Variants in CBFA2T2 observed in about 807,000 individuals in gnomAD.
The protein encoded by CBFA2T2 is protein CBFA2T2.
In CBFA2T2, 11 loss-of-function variants were observed where a neutral mutation model predicts 62.2. The observed-to-expected ratio is 0.18, with a 90% CI of 0.11 to 0.29. The LOEUF (loss-of-function observed/expected upper bound fraction) is 0.29. CBFA2T2 is among the 10% of genes least tolerant of loss of function. CBFA2T2 has a pLI of 1.00. For synonymous variants in CBFA2T2, 295 were observed against 287.5 expected (o/e 1.03, Z -0.27); for missense variants, 592 against 774.1 (o/e 0.76, Z 2.79).
rs75055082 is a variant in CBFA2T2 at position 33,624,534 on chromosome 20, G to A, written c.693-230G>A. Among the ~76,000 whole-genome samples, 17 of 152,158 alleles carry A rather than the reference G, an allele frequency of 1.1e-4. No homozygotes were observed. The East Asian group carries it at 2.3e-3, about 21-fold the overall frequency. On this transcript the variant is annotated intron_variant, in intron 5 of 10. Coordinates refer to ENST00000342704, the MANE Select transcript of CBFA2T2 (RefSeq NM_001032999.3). ...TTATAAGGGTTAATGTTTCTGTCTGGTTATGGATGGATTTGACCTCTTTTT... is the reference window on the plus strand; with the variant it reads ...TTATAAGGGTTAATGTTTCTGTCTGATTATGGATGGATTTGACCTCTTTTT...
At chr20:33,494,240 T>C (rs1459453479) in intron 1 of CBFA2T2, among the ~76,000 whole-genome samples, 1 of 4,612 alleles carries the variant, frequency 2.2e-4, no homozygotes, top group Non-Finnish European at 1.4e-3. Context: ...GGCATATATA[T>C]GTGTATATAT....
chr20:33,553,628 A>G (rs2012803203), intron 1 of CBFA2T2, among the ~76,000 whole-genome samples: 1 of 152,210 alleles, frequency 6.6e-6, no homozygotes, highest in South Asian at 2.1e-4. Context: ...GCAGGAAAGC[A>G]GCCATAGATA....
rs1027192822 is a variant in CBFA2T2 at position 33,633,099 on chromosome 20, A to G, written c.1228+3185A>G. Among the ~76,000 whole-genome samples, 8 of 151,428 alleles carry G rather than the reference A, an allele frequency of 5.3e-5. No homozygotes were observed. In the South Asian group the frequency reaches 1.7e-3, roughly 32 times the overall value. ...TTAAAGTCTTGGGTTAGCTGGGTGC[A>G]GTGTCTCACGCCTGTAATCCCCGCA... On this transcript the variant is annotated intron_variant, in intron 8 of 10. Transcript: ENST00000342704.
At chr20:33,574,821 G>T (rs751524281) in intron 1 of CBFA2T2, among the ~76,000 whole-genome samples, 6 of 152,090 alleles carry the variant, frequency 3.9e-5, no homozygotes, top group Non-Finnish European at 7.4e-5. Context: ...GAATGGAGAA[G>T]GGCAAAGGGT....
rs757987402 is a variant in CBFA2T2 at position 33,621,361 on chromosome 20, C to T, written c.511-1754C>T. Among the ~76,000 whole-genome samples the T allele has an allele frequency of 4.4e-5, 6 of 136,270 alleles. No homozygotes were observed. The East Asian group carries it at 6.9e-4, about 16-fold the overall frequency. The allele number at this position is 136,270 out of a possible 152,430, so 89.4% of individuals were successfully genotyped here. A position where few individuals can be genotyped will look rare whatever the true frequency, so the allele number is the denominator to read the frequency against. ...TTGCCCAGGCTGGAGTGCAGTGGCG[C>T]GATCTCGGCTCTACAACCTCTGCCT... On this transcript the variant is annotated intron_variant, in intron 4 of 10. Coordinates refer to ENST00000342704, the MANE Select transcript of CBFA2T2 (RefSeq NM_001032999.3).
At chr20:33,506,425 A>T (rs2011404973) in intron 1 of CBFA2T2, among the ~76,000 whole-genome samples, 1 of 152,174 alleles carries the variant, frequency 6.6e-6, no homozygotes. Context: ...AAATTAATAC[A>T]GATAAAATAA....
At chr20:33,576,169 G>A (rs2013818197) in intron 1 of CBFA2T2, among the ~76,000 whole-genome samples, 1 of 152,170 alleles carries the variant, frequency 6.6e-6, no homozygotes, top group Admixed American at 6.5e-5. Context: ...CTACCAGGGA[G>A]GACTTGGAGT....
intron 1 of CBFA2T2, among the ~76,000 whole-genome samples, chr20:33,561,386 C>G (rs974771548): frequency 1.3e-5 from 2 of 152,296 alleles, no homozygotes; most frequent in African/African-American, 4.8e-5. Flanking sequence ...CCACCACCCA[C>G]AATCTTTTAA....
chr20:33,590,103 G>C (rs2014549169), intron 1 of CBFA2T2, among the ~76,000 whole-genome samples: 3 of 151,844 alleles, frequency 2.0e-5, no homozygotes. Context: ...AAAATTAGCT[G>C]GACATGTTGG....
intron 1 of CBFA2T2, among the ~76,000 whole-genome samples, chr20:33,530,913 T>C (rs1206445066): frequency 1.3e-5 from 2 of 152,072 alleles, no homozygotes; most frequent in Non-Finnish European, 2.9e-5. Context: ...AAACCCCATC[T>C]CTACTAAAAT....
At chr20:33,625,425 T>G (rs1490359271) in intron 6 of CBFA2T2, among the ~76,000 whole-genome samples, 1 of 152,034 alleles carries the variant, frequency 6.6e-6, no homozygotes, top group Non-Finnish European at 1.5e-5. Flanking sequence ...AAGTCAAAAC[T>G]ACATTGAGCC....
At chr20:33,580,963 A>G (rs770815488) in intron 1 of CBFA2T2, among the ~76,000 whole-genome samples, 1 of 152,178 alleles carries the variant, frequency 6.6e-6, no homozygotes, top group Non-Finnish European at 1.5e-5. Flanking sequence ...TCCTGAAGCC[A>G]TAGCATGAGT....
intron 1 of CBFA2T2, among the ~76,000 whole-genome samples, chr20:33,533,139 T>C (rs1407176007): frequency 1.3e-5 from 2 of 152,214 alleles, no homozygotes; most frequent in Non-Finnish European, 2.9e-5. Context: ...TGAGGTTTAA[T>C]TGACTTACAA....
intron 1 of CBFA2T2, among the ~76,000 whole-genome samples, chr20:33,494,733 G>A (rs1044201669): frequency 6.6e-6 from 1 of 151,928 alleles, no homozygotes; most frequent in African/African-American, 2.4e-5. Flanking sequence ...CAAATAGCTG[G>A]GATTACAGGC....
intron 10 of CBFA2T2, among the ~76,000 whole-genome samples, chr20:33,640,758 G>T (rs6059398): frequency 0.075 from 11,221 of 149,928 alleles, 701 homozygotes; most frequent in African/African-American, 0.18. Context: ...TATATATATA[G>T]AGAGAGAGAG....
intron 1 of CBFA2T2, among the ~76,000 whole-genome samples, chr20:33,508,147 T>C (rs1308493325): frequency 6.6e-6 from 1 of 152,110 alleles, no homozygotes; most frequent in Non-Finnish European, 1.5e-5. Context: ...CAGGCTAGAG[T>C]GCAGTGGCGC....
chr20:33,494,345 G>C (rs1488028748), intron 1 of CBFA2T2, among the ~76,000 whole-genome samples: 4 of 115,900 alleles, frequency 3.5e-5, no homozygotes, highest in Non-Finnish European at 6.6e-5. Flanking sequence ...GCAGTGGCAC[G>C]ATCTCAGCTC....
At chr20:33,509,823 T>C (rs2011476059) in intron 1 of CBFA2T2, among the ~76,000 whole-genome samples, 1 of 128,868 alleles carries the variant, frequency 7.8e-6, no homozygotes, top group Non-Finnish European at 1.6e-5. Flanking sequence ...AGTAAAACTC[T>C]TTTTTTTTTT....
At position 33,624,760 on chromosome 20, in the gene CBFA2T2, A is replaced by G. The variant is rs1025334303; in HGVS notation, c.693-4A>G. The G allele has an allele frequency of 3.7e-6, 6 of 1,613,868 alleles. No individual in the cohort carries two copies. In the South Asian group the frequency reaches 5.5e-5, roughly 15 times the overall value. ...TCAGATACGCACTTCTGCTTCTTCT[A>G]CAGGAGAGAAGAGAATAGTTTTGAT... On this transcript the variant is annotated splice_region_variant and splice_polypyrimidine_tract_variant and intron_variant, in intron 5 of 10. Coordinates refer to ENST00000342704, the MANE Select transcript of CBFA2T2 (RefSeq NM_001032999.3).
Sources: allele counts gnomAD v4.1 joint callset (sites outside exome capture counted in the v4.1 genomes callset), GRCh38; gene constraint gnomAD v4.1.1; transcripts MANE v1.5; gene names NCBI Gene and HGNC (gene_info 2026-07-23, HGNC 2026-07-21).